Variants in DCDC2 observed in about 807,000 individuals in gnomAD.
DCDC2 encodes the protein doublecortin domain containing 2.
In DCDC2, 40 loss-of-function variants were observed where a neutral mutation model predicts 50.2. That is an observed-to-expected ratio of 0.80 (90% CI 0.62 to 1.04). DCDC2 has a LOEUF of 1.04. Among genes scored for constraint, DCDC2 ranks in the 50% least tolerant of loss-of-function variants. The pLI is 0.00. For missense variants in DCDC2, 570 were observed against 581.9 expected, an observed-to-expected ratio of 0.98 and a Z score of 0.21; for synonymous variants, 234 against 210.6, an observed-to-expected ratio of 1.11 and a Z score of -0.96.
At chr6:24,358,405 A>G (rs150997947), upstream of DCDC2, 894 of 157,078 alleles carry the variant, frequency 5.7e-3, 14 homozygotes, top group African/African-American at 0.019. Context: ...TAAGACCAGG[A>G]GTTCTAGACC....
chr6:24,297,278 AGAG>A (rs1428519429), intron 4 of DCDC2, among the ~76,000 whole-genome samples: 3 of 152,094 alleles, frequency 2.0e-5, no homozygotes, highest in Non-Finnish European at 4.4e-5. Context: ...ATGCGCACAA[AGAG>A]AAGAACAACA....
intron 7 of DCDC2, among the ~76,000 whole-genome samples, chr6:24,261,481 A>C (rs1398104714): frequency 6.6e-6 from 1 of 151,900 alleles, no homozygotes; most frequent in Non-Finnish European, 1.5e-5. Flanking sequence ...AGTGCCAGGG[A>C]GGTAATTCTC....
chr6:24,220,879 A>AGAGCGAGAGAGCGAGAGAGTGAGCGAGC, intron 7 of DCDC2, among the ~76,000 whole-genome samples: 4 of 106,978 alleles, frequency 3.7e-5, no homozygotes, highest in African/African-American at 1.8e-4. Context: ...CAAGAGAGCG[A>AGAGCGAGAGAGCGAGAGAGTGAGCGAGC]GAGCGAGAGA....
intron 2 of DCDC2, among the ~76,000 whole-genome samples, chr6:24,325,823 G>C (rs988972813): frequency 6.7e-6 from 1 of 149,004 alleles, no homozygotes; most frequent in African/African-American, 2.4e-5. Context: ...ATGTGAATGA[G>C]AAATGAGTCA....
At chr6:24,269,204 G>A (rs1192300732) in intron 7 of DCDC2, among the ~76,000 whole-genome samples, 3 of 152,182 alleles carry the variant, frequency 2.0e-5, no homozygotes, top group African/African-American at 7.2e-5. Flanking sequence ...ATAGTGCCAA[G>A]CAGTATTTAG....
intron 2 of DCDC2, among the ~76,000 whole-genome samples, chr6:24,329,393 T>C (rs1019193195): frequency 2.0e-5 from 3 of 152,344 alleles, no homozygotes; most frequent in African/African-American, 7.2e-5. Context: ...ATTAAATCTC[T>C]CTTTTCAACT....
chr6:24,215,815 C>T lies in DCDC2; in HGVS notation c.923-10713G>A, dbSNP rs993776709. Among the ~76,000 whole-genome samples the T allele has an allele frequency of 7.2e-5, 11 of 152,212 alleles. 1 individual carries two copies. Among genetic ancestry groups the T allele is most frequent in the Admixed American group, 3.9e-4 (6 of 15,286 alleles). ...TGGAATCTCAGCACTGCTCTGCACA[C>T]CGCAGGTCCTGGATGAAGGCAATGC... On this transcript the variant is annotated intron_variant, in intron 7 of 9. Transcript: ENST00000378454.
chr6:24,295,289 C>T (rs933237266), intron 4 of DCDC2, among the ~76,000 whole-genome samples: 1 of 152,170 alleles, frequency 6.6e-6, no homozygotes, highest in Non-Finnish European at 1.5e-5. Flanking sequence ...AAGTTAAAAA[C>T]TCTCAATAAA....
At chr6:24,295,274 C>G (rs2262443) in intron 4 of DCDC2, among the ~76,000 whole-genome samples, 35,575 of 152,036 alleles carry the variant, frequency 0.23, 4,670 homozygotes, top group African/African-American at 0.37. Flanking sequence ...ATTCAACATC[C>G]CTTCAAGTTA....
intron 9 of DCDC2, among the ~76,000 whole-genome samples, chr6:24,176,675 T>C (rs894137266): frequency 2.0e-5 from 3 of 152,242 alleles, no homozygotes; most frequent in African/African-American, 7.2e-5. Context: ...TACATTGTTA[T>C]TATACGTTAG....
intron 2 of DCDC2, among the ~76,000 whole-genome samples, chr6:24,324,269 G>A (rs559992071): frequency 6.6e-6 from 1 of 152,144 alleles, no homozygotes; most frequent in African/African-American, 2.4e-5. Flanking sequence ...ACTGTCAATG[G>A]CCCCAGTGAC....
chr6:24,345,135 G>A (rs1415280111), intron 2 of DCDC2, among the ~76,000 whole-genome samples: 1 of 152,064 alleles, frequency 6.6e-6, no homozygotes, highest in Non-Finnish European at 1.5e-5. Context: ...GAAGCCTCTT[G>A]GGTCTCAAAA....
At chr6:24,273,138 T>C (rs1018605437) in intron 7 of DCDC2, among the ~76,000 whole-genome samples, 3 of 152,120 alleles carry the variant, frequency 2.0e-5, no homozygotes, top group Non-Finnish European at 4.4e-5. Flanking sequence ...TGCAGCAATG[T>C]GGATGGGACT....
rs1435774307 is a variant in DCDC2, at chr6:24,173,882, T to C, written c.*848A>G. 1 of 152,264 alleles carries C rather than the reference T, an allele frequency of 6.6e-6. No individual in the cohort carries two copies. The highest frequency in any genetic ancestry group is 2.1e-4 in the South Asian group (1 of 4,832). 9.4% of individuals were successfully genotyped at this position (152,264 alleles called of 1,614,324 possible). On this transcript the variant is annotated 3_prime_UTR_variant, in exon 10 of 10. Transcript: ENST00000378454. ...TGAAAACTATTTGAAAATAATTTAA[T>C]CTTTGGAATAGCCAATATCAGGTTC...
At chr6:24,191,902 T>C (rs960894250) in intron 8 of DCDC2, among the ~76,000 whole-genome samples, 3 of 152,078 alleles carry the variant, frequency 2.0e-5, no homozygotes, top group Middle Eastern at 6.3e-3. Context: ...CTGAGGAAGC[T>C]AAAATGTGAG....
At chr6:24,185,501 C>T (rs1761170488) in intron 8 of DCDC2, among the ~76,000 whole-genome samples, 3 of 151,974 alleles carry the variant, frequency 2.0e-5, no homozygotes, top group South Asian at 2.1e-4. Context: ...TACAACGACA[C>T]TACAATTCAG....
At chr6:24,317,677 CA>C (rs894648637) in intron 2 of DCDC2, among the ~76,000 whole-genome samples, 3 of 151,158 alleles carry the variant, frequency 2.0e-5, no homozygotes, top group African/African-American at 7.3e-5. Flanking sequence ...TTTTCCATGA[CA>C]AAAAAAGCAC....
intron 7 of DCDC2, among the ~76,000 whole-genome samples, chr6:24,263,632 A>AG (rs1326992552): frequency 5.3e-5 from 8 of 152,162 alleles, no homozygotes; most frequent in African/African-American, 1.9e-4. Flanking sequence ...ATGATCAAGC[A>AG]GAAAAAAAAT....
At chr6:24,176,234 T>A (rs1177368438) in intron 9 of DCDC2, among the ~76,000 whole-genome samples, 2 of 151,970 alleles carry the variant, frequency 1.3e-5, no homozygotes, top group Non-Finnish European at 2.9e-5. Context: ...AGGTCAAAGC[T>A]GCAGTGAGCT....
Sources: allele counts gnomAD v4.1 joint callset (sites outside exome capture counted in the v4.1 genomes callset), GRCh38; gene constraint gnomAD v4.1.1; transcripts MANE v1.5; gene names NCBI Gene and HGNC (gene_info 2026-07-23, HGNC 2026-07-21).